The following CSMD1 variants were observed in gnomAD, a reference collection of about 807,000 sequenced individuals.
CSMD1 encodes the protein CUB and sushi domain-containing protein 1.
CSMD1 carries 213 observed loss-of-function variants against 417.5 expected under a neutral mutation model. The observed-to-expected ratio is 0.51, with a 90% CI of 0.46 to 0.57. The LOEUF (loss-of-function observed/expected upper bound fraction) is 0.57. CSMD1 is among the 20% of genes least tolerant of loss of function. CSMD1 has a pLI of 0.00. For synonymous variants in CSMD1, 2,862 were observed against 1,736.8 expected, an observed-to-expected ratio of 1.65 and a Z score of -16.11; for missense variants, 6,923 against 4,529.7, an observed-to-expected ratio of 1.53 and a Z score of -15.17.
intron 2 of CSMD1, among the ~76,000 whole-genome samples, chr8:4,540,424 C>T (rs557413887): frequency 2.6e-5 from 4 of 152,042 alleles, no homozygotes; most frequent in East Asian, 1.9e-4. Flanking sequence ...AACCTCAGGC[C>T]GGGTGCAGTG....
At chr8:3,351,608 AAAAAAG>A (rs1563300612) in intron 21 of CSMD1, among the ~76,000 whole-genome samples, 1 of 150,740 alleles carries the variant, frequency 6.6e-6, no homozygotes, top group Non-Finnish European at 1.5e-5. Flanking sequence ...CAAAAAAAAA[AAAAAAG>A]AAAAGAAAAG....
At chr8:4,076,218 G>A (rs548251089) in intron 3 of CSMD1, among the ~76,000 whole-genome samples, 1 of 152,070 alleles carries the variant, frequency 6.6e-6, no homozygotes, top group African/African-American at 2.4e-5. Flanking sequence ...TTTTAGAAGG[G>A]GCTTTTCCCC....
intron 1 of CSMD1, among the ~76,000 whole-genome samples, chr8:4,764,750 G>A (rs1264199830): frequency 6.7e-6 from 1 of 150,122 alleles, no homozygotes; most frequent in South Asian, 2.1e-4. Context: ...GCGGCTGCCT[G>A]TAGTCCCAGC....
chr8:4,663,668 C>A (rs982593998), intron 1 of CSMD1, among the ~76,000 whole-genome samples: 2 of 152,198 alleles, frequency 1.3e-5, no homozygotes, highest in Admixed American at 1.3e-4. Flanking sequence ...CTGAGACCTC[C>A]CCAGCCATGC....
intron 9 of CSMD1, among the ~76,000 whole-genome samples, chr8:3,585,663 G>A (rs972995438): frequency 6.6e-6 from 1 of 152,162 alleles, no homozygotes; most frequent in Non-Finnish European, 1.5e-5. Flanking sequence ...CTATGTTAGA[G>A]ATTAAAGATC....
intron 37 of CSMD1, among the ~76,000 whole-genome samples, chr8:3,178,269 G>C (rs12547202): frequency 6.6e-6 from 1 of 152,040 alleles, no homozygotes; most frequent in African/African-American, 2.4e-5. Context: ...CTATGGTTAA[G>C]GGGGCCTTGT....
chr8:4,873,988 A>G (rs1003332770), intron 1 of CSMD1, among the ~76,000 whole-genome samples: 2 of 152,134 alleles, frequency 1.3e-5, no homozygotes, highest in Non-Finnish European at 2.9e-5. Flanking sequence ...CATTCGGAGT[A>G]AATAACCACT....
chr8:3,537,111 C>G (rs978801726), intron 10 of CSMD1, among the ~76,000 whole-genome samples: 2 of 152,102 alleles, frequency 1.3e-5, no homozygotes, highest in Non-Finnish European at 2.9e-5. Context: ...TCCAGCAATT[C>G]CCCTGCCTCA....
chr8:3,636,086 A>C (rs1797032817), intron 7 of CSMD1, among the ~76,000 whole-genome samples: 1 of 150,336 alleles, frequency 6.7e-6, no homozygotes, highest in South Asian at 2.1e-4. Flanking sequence ...ATTTTTTTGT[A>C]CTTTTTGAAG....
intron 7 of CSMD1, among the ~76,000 whole-genome samples, chr8:3,680,433 C>G (rs186254967): frequency 6.6e-6 from 1 of 152,170 alleles, no homozygotes; most frequent in Admixed American, 6.5e-5. Flanking sequence ...ACTAGAAAAT[C>G]TACAAGAAAC....
In CSMD1 at chr8:3,649,182, T is replaced by C. The variant is rs181625680; in HGVS notation, c.1010-32385A>G. ...GTCTGTGAAAACAACTTTTCGGCAA[T>C]GGCAGGTTTGTACTGATACCATAAG... On this transcript the variant is annotated intron_variant, in intron 7 of 69. Coordinates refer to ENST00000635120, the MANE Select transcript of CSMD1 (RefSeq NM_033225.6). Among the ~76,000 whole-genome samples the C allele has an allele frequency of 2.9e-3, 449 of 152,306 alleles. 1 individual carries two copies. Among genetic ancestry groups the C allele is most frequent in the Non-Finnish European group, 5.0e-3 (339 of 68,006 alleles).
chr8:4,797,470 G>C (rs1285206025), intron 1 of CSMD1, among the ~76,000 whole-genome samples: 1 of 152,120 alleles, frequency 6.6e-6, no homozygotes, highest in South Asian at 2.1e-4. Flanking sequence ...TTTTTATTAT[G>C]TTGGCGCAAA....
At chr8:3,241,363 GT>G (rs1221956480) in intron 26 of CSMD1, among the ~76,000 whole-genome samples, 1 of 151,932 alleles carries the variant, frequency 6.6e-6, no homozygotes, top group Non-Finnish European at 1.5e-5. Context: ...TGTGGAGTGG[GT>G]AGCCTCCATA....
intron 3 of CSMD1, among the ~76,000 whole-genome samples, chr8:4,141,750 ATCCC>A (rs777548183): frequency 0.3 from 45,257 of 151,004 alleles, 8,433 homozygotes; most frequent in Non-Finnish European, 0.39. Context: ...ACAGTGATTC[ATCCC>A]ATGCCATCGA....
intron 3 of CSMD1, among the ~76,000 whole-genome samples, chr8:4,346,837 T>A (rs61705704): frequency 1.3e-5 from 2 of 152,238 alleles, no homozygotes; most frequent in East Asian, 1.9e-4. Flanking sequence ...GGATTGAGAC[T>A]GAGGGCCTGA....
At chr8:3,833,245 CAT>C (rs1295897963) in intron 5 of CSMD1, among the ~76,000 whole-genome samples, 3 of 152,072 alleles carry the variant, frequency 2.0e-5, no homozygotes, top group Non-Finnish European at 4.4e-5. Context: ...CCATATTACA[CAT>C]GTTGATAATA....
chr8:3,879,003 G>T (rs1806021296), intron 5 of CSMD1, among the ~76,000 whole-genome samples: 1 of 152,058 alleles, frequency 6.6e-6, no homozygotes, highest in South Asian at 2.1e-4. Flanking sequence ...TAATATATTA[G>T]TACTAATAAT....
chr8:4,064,065 G>T (rs539851304), intron 3 of CSMD1, among the ~76,000 whole-genome samples: 8 of 152,292 alleles, frequency 5.3e-5, no homozygotes, highest in Non-Finnish European at 7.3e-5. Context: ...TGAGAAGTGC[G>T]CAGTGTGAAG....
At chr8:3,117,001 ATAAATAT>A (rs1816913336) in intron 42 of CSMD1, among the ~76,000 whole-genome samples, 1 of 152,188 alleles carries the variant, frequency 6.6e-6, no homozygotes, top group African/African-American at 2.4e-5. Context: ...ATGTAATTAA[ATAAATAT>A]TAGATTAAGA....
Sources: gnomAD v4.1 joint callset for allele counts (sites outside exome capture counted in the v4.1 genomes callset) on GRCh38, gnomAD v4.1.1 for gene constraint, MANE v1.5 for transcripts, NCBI Gene and HGNC (gene_info 2026-07-23, HGNC 2026-07-21) for gene names.